The following JAKMIP1 variants were observed in gnomAD, a reference collection of about 807,000 sequenced individuals.
The protein encoded by JAKMIP1 is janus kinase and microtubule-interacting protein 1.
Under a neutral mutation model 113.0 loss-of-function variants are expected in JAKMIP1, and 33 were observed. The observed-to-expected ratio is 0.29, with a 90% confidence interval of 0.22 to 0.39. The LOEUF is 0.39. Ranked by LOEUF, JAKMIP1 falls within the 10% of genes least tolerant of loss-of-function variation. The pLI is 1.00. For missense variants in JAKMIP1, 813 were observed against 1,080.5 expected, an observed-to-expected ratio of 0.75 and a Z score of 3.47; for synonymous variants, 480 against 459.9, an observed-to-expected ratio of 1.04 and a Z score of -0.56.
Position 6,097,285 on chromosome 4 carries a change from T to C in JAKMIP1, c.624+8188A>G, listed in dbSNP as rs1448616163. ...GTATTGGGATTACAGTCATGAGCCA[T>C]CTCGCCCCGTTCTGACTCTGAATTT... On this transcript the variant is annotated intron_variant, in intron 3 of 20. Coordinates refer to ENST00000409021, the MANE Select transcript of JAKMIP1 (RefSeq NM_001099433.2). This position sits in a 1 kb window ranked among gnomAD's most constrained non-coding sequence, Gnocchi z 4.3. Among the ~76,000 whole-genome samples the C allele has an allele frequency of 6.6e-6, 1 of 152,168 alleles. No individual in the cohort carries two copies. The highest frequency in any genetic ancestry group is 1.5e-5 in the Non-Finnish European group (1 of 68,030).
At chr4:6,118,528 C>G (rs1422962719) in intron 1 of JAKMIP1, among the ~76,000 whole-genome samples, 1 of 152,198 alleles carries the variant, frequency 6.6e-6, no homozygotes, top group Non-Finnish European at 1.5e-5. Flanking sequence ...ATTCGCCAAC[C>G]TTGACCTATA....
chr4:6,131,698 C>G (rs943636031), intron 1 of JAKMIP1, among the ~76,000 whole-genome samples: 2 of 152,192 alleles, frequency 1.3e-5, no homozygotes, highest in East Asian at 1.9e-4. Context: ...CCACTGCACT[C>G]CAGCCTGGGC....
In JAKMIP1 at chr4:6,135,409, G is replaced by A. The variant is rs920458241; in HGVS notation, c.-147-22412C>T. On this transcript the variant is annotated intron_variant, in intron 1 of 20. Coordinates refer to ENST00000409021, the MANE Select transcript of JAKMIP1 (RefSeq NM_001099433.2). This position sits in a 1 kb window ranked among gnomAD's most constrained non-coding sequence, Gnocchi z 4.9. ...TCGGAAGAAACCAACCCTGGTGGCA[G>A]CTTGATCTCGGACTTCCAGTCTCCA... 1.1e-4 allele frequency among the ~76,000 whole-genome samples: 16 copies of A among 152,136 alleles called. No individual in the cohort carries two copies. Among genetic ancestry groups the A allele is most frequent in the African/African-American group, 3.4e-4 (14 of 41,434 alleles).
intron 1 of JAKMIP1, among the ~76,000 whole-genome samples, chr4:6,160,597 G>A (rs1722783815): frequency 6.6e-6 from 1 of 151,886 alleles, no homozygotes; most frequent in Non-Finnish European, 1.5e-5. Flanking sequence ...GGCTCCTGAA[G>A]CATCCCTCCC....
Position 6,062,327 on chromosome 4 carries a change from A to C in JAKMIP1, c.1545T>G (p.Ala515=). The C allele has an allele frequency of 1.2e-6, 2 of 1,612,844 alleles. No individual in the cohort carries two copies. Among genetic ancestry groups the C allele is most frequent in the Non-Finnish European group, 1.7e-6 (2 of 1,179,912 alleles). The change falls in exon 10 of 21, where the codon GCT becomes GCG. Residue 515 remains alanine (A), a synonymous_variant. Coordinates refer to ENST00000409021, the MANE Select transcript of JAKMIP1 (RefSeq NM_001099433.2). ...LQEQVGGTLD[A]EREARTREQL... Reference sequence around the variant, plus strand: ...CTGCACTCACCCGGGCCTCCCTCTCAGCGTCCAGCGTGCCTCCCACCTGCT... The same window carrying C: ...CTGCACTCACCCGGGCCTCCCTCTCCGCGTCCAGCGTGCCTCCCACCTGCT...
At chr4:6,129,000 T>G (rs912913040) in intron 1 of JAKMIP1, among the ~76,000 whole-genome samples, 5 of 152,194 alleles carry the variant, frequency 3.3e-5, no homozygotes, top group Non-Finnish European at 4.4e-5. Context: ...CCTTCAGAGC[T>G]CCTTCCACAC....
At chr4:6,159,261 A>C (rs1004072482) in intron 1 of JAKMIP1, among the ~76,000 whole-genome samples, 1 of 147,946 alleles carries the variant, frequency 6.8e-6, no homozygotes, top group Non-Finnish European at 1.5e-5. Flanking sequence ...TACAAATTTA[A>C]ATACAAACAG....
chr4:6,119,501 G>A (rs1248921182), intron 1 of JAKMIP1, among the ~76,000 whole-genome samples: 5 of 151,682 alleles, frequency 3.3e-5, no homozygotes, highest in Admixed American at 6.6e-5. Context: ...CCGAGATCAC[G>A]CCATTGCACT....
rs1721814623 is a variant in JAKMIP1 at position 6,153,129 on chromosome 4, C to G, written c.-147-40132G>C. 6.6e-6 allele frequency among the ~76,000 whole-genome samples: 1 copy of G among 152,156 alleles called. No individual in the cohort carries two copies. The highest frequency in any genetic ancestry group is 2.4e-5 in the African/African-American group (1 of 41,434). On this transcript the variant is annotated intron_variant, in intron 1 of 20. Coordinates refer to ENST00000409021, the MANE Select transcript of JAKMIP1 (RefSeq NM_001099433.2). This position sits in a 1 kb window ranked among gnomAD's most constrained non-coding sequence, Gnocchi z 4.9. ...TGAAGACTACACAGGCAGATTCACA[C>G]TTGCCAGCCAAGGCTTCAAAATCAA...
In JAKMIP1 at chr4:6,136,434, T is replaced by C. The variant is rs1719259198; in HGVS notation, c.-147-23437A>G. Among the ~76,000 whole-genome samples the C allele has an allele frequency of 6.6e-6, 1 of 152,064 alleles. No homozygotes were observed. On this transcript the variant is annotated intron_variant, in intron 1 of 20. Coordinates refer to ENST00000409021, the MANE Select transcript of JAKMIP1 (RefSeq NM_001099433.2). This position sits in a 1 kb window ranked among gnomAD's most constrained non-coding sequence, Gnocchi z 5.9. ...AATGAAGGAAGCAAAGCCACGACGTTGAGGGACCTGCTGGAAGGAACTCGG... is the reference window on the plus strand; with the variant it reads ...AATGAAGGAAGCAAAGCCACGACGTCGAGGGACCTGCTGGAAGGAACTCGG...
At chr4:6,126,046 ACAAACACG>A (rs1717498862) in intron 1 of JAKMIP1, among the ~76,000 whole-genome samples, 1 of 146,326 alleles carries the variant, frequency 6.8e-6, no homozygotes, top group African/African-American at 2.5e-5. Context: ...ACACACACAC[ACAAACACG>A]CACCGTGCAG....
chr4:6,163,021 G>T lies in JAKMIP1; in HGVS notation c.-148+37232C>A, dbSNP rs564928903. On this transcript the variant is annotated intron_variant, in intron 1 of 20. Transcript: ENST00000409021. Reference sequence around the variant, plus strand: ...GTCTGCTAATCAAATCCAGCTTCAGGGTTTGACATGACTCTCAACAGAAGA... The same window carrying T: ...GTCTGCTAATCAAATCCAGCTTCAGTGTTTGACATGACTCTCAACAGAAGA... Among the ~76,000 whole-genome samples, 8 of 152,236 alleles carry T rather than the reference G, an allele frequency of 5.3e-5. No homozygotes were observed. In the South Asian group the frequency reaches 1.7e-3, roughly 32 times the overall value.
rs376863404 is a variant in JAKMIP1, at chr4:6,105,655, G to A, written c.442C>T (p.Arg148Cys). 5.6e-6 allele frequency: 9 copies of A among 1,599,576 alleles called. No individual in the cohort carries two copies. Among genetic ancestry groups the A allele is most frequent in the Non-Finnish European group, 7.7e-6 (9 of 1,174,556 alleles). ...EEARRAFDGERLRLQQEILEL... is the reference protein window; with the variant it reads ...EEARRAFDGECLRLQQEILEL... ...AGGATCTCCTGCTGCAGCCGCAGGC[G>A]CTCTCCATCGAAGGCCCTGCGCGCC... The change falls in exon 3 of 21, where the codon CGC (arginine) becomes TGC (cysteine). Residue 148 changes from arginine (R) to cysteine (C), a missense_variant. By Grantham distance (180) the Arg-to-Cys change is radical. Coordinates refer to ENST00000409021, the MANE Select transcript of JAKMIP1 (RefSeq NM_001099433.2).
rs539807782 is a variant in JAKMIP1 at position 6,076,548 on chromosome 4, C to CT, written c.1302+2390dup. On this transcript the variant is annotated intron_variant, in intron 8 of 20. Coordinates refer to ENST00000409021, the MANE Select transcript of JAKMIP1 (RefSeq NM_001099433.2). The surrounding 1 kb of genome is among the most constrained non-coding windows in gnomAD (Gnocchi z 4.8). ...CAAATCACCAATGAGCCAGGCCACT[C>CT]TAAGTGGCATTACCTGAACGCTGCA... is the stretch of plus-strand genomic sequence containing the variant. Among the ~76,000 whole-genome samples, 708 of 152,252 alleles carry CT rather than the reference C, an allele frequency of 4.7e-3. 4 individuals carry two copies. Among genetic ancestry groups the CT allele is most frequent in the African/African-American group, 0.016 (655 of 41,538 alleles).
At position 6,141,337 on chromosome 4, in the gene JAKMIP1, G is replaced by C. The variant is rs183720485; in HGVS notation, c.-147-28340C>G. On this transcript the variant is annotated intron_variant, in intron 1 of 20. Coordinates refer to ENST00000409021, the MANE Select transcript of JAKMIP1 (RefSeq NM_001099433.2). The surrounding 1 kb of genome is among the most constrained non-coding windows in gnomAD (Gnocchi z 9.4). ...TGTAATCCCAGCTACTTGACAGGCT[G>C]AGGCAGGAGAATTGCTTGAACCCGG... Among the ~76,000 whole-genome samples, 293 of 151,940 alleles carry C rather than the reference G, an allele frequency of 1.9e-3. No individual in the cohort carries two copies. The highest frequency in any genetic ancestry group is 5.4e-3 in the Admixed American group (82 of 15,292).
At chr4:6,124,982 G>C (rs1194606614) in intron 1 of JAKMIP1, among the ~76,000 whole-genome samples, 1 of 152,164 alleles carries the variant, frequency 6.6e-6, no homozygotes, top group African/African-American at 2.4e-5. Flanking sequence ...AGAAAACTGA[G>C]GCCTAACAGG....
At chr4:6,029,095 A>G (rs1712243841) in intron 20 of JAKMIP1, among the ~76,000 whole-genome samples, 1 of 152,214 alleles carries the variant, frequency 6.6e-6, no homozygotes, top group Non-Finnish European at 1.5e-5. Flanking sequence ...ATGGAGGGGC[A>G]GGATGGGATG....
chr4:6,120,804 A>C (rs1425965176), intron 1 of JAKMIP1, among the ~76,000 whole-genome samples: 3 of 151,986 alleles, frequency 2.0e-5, no homozygotes, highest in Non-Finnish European at 4.4e-5. Context: ...CCAAGTGGAG[A>C]CTCAGAGGCT....
intron 11 of JAKMIP1, among the ~76,000 whole-genome samples, chr4:6,058,701 C>T (rs1397183173): frequency 6.6e-6 from 1 of 152,218 alleles, no homozygotes; most frequent in Non-Finnish European, 1.5e-5. Flanking sequence ...GCTCTCGTGG[C>T]AGGACTGCTG....
Sources: gnomAD v4.1 joint callset for allele counts (sites outside exome capture counted in the v4.1 genomes callset) on GRCh38, gnomAD v4.1.1 for gene constraint, Gnocchi (gnomAD v3.1) non-coding constraint, MANE v1.5 for transcripts, NCBI Gene and HGNC (gene_info 2026-07-23, HGNC 2026-07-21) for gene names.